The following TNRC6A variants were observed in gnomAD, a reference collection of about 807,000 sequenced individuals.
The protein encoded by TNRC6A is trinucleotide repeat-containing gene 6A protein.
In TNRC6A, 44 loss-of-function variants were observed where a neutral mutation model predicts 221.2. That is an observed-to-expected ratio of 0.20 (90% CI 0.16 to 0.26). The LOEUF (loss-of-function observed/expected upper bound fraction) is 0.26. Ranked by LOEUF, TNRC6A falls within the 10% of genes least tolerant of loss-of-function variation. The pLI is 1.00. For missense variants in TNRC6A, 2,199 were observed against 2,404.4 expected (o/e 0.91, Z 1.79); for synonymous variants, 847 against 838.5 (o/e 1.01, Z -0.18).
intron 2 of TNRC6A, among the ~76,000 whole-genome samples, chr16:24,660,744 T>C (rs1447842948): frequency 2.1e-4 from 28 of 134,248 alleles, no homozygotes; most frequent in African/African-American, 3.7e-4. Context: ...TTTTTCTTTT[T>C]TTTTTTTTTT....
At chr16:24,764,282 G>T (rs1023277914) in intron 4 of TNRC6A, among the ~76,000 whole-genome samples, 1 of 150,738 alleles carries the variant, frequency 6.6e-6, no homozygotes, top group Non-Finnish European at 1.5e-5. Context: ...TTTAAAAGCT[G>T]AATAATATTC....
upstream of TNRC6A, among the ~76,000 whole-genome samples, chr16:24,726,229 G>A (rs169265): frequency 0.19 from 28,972 of 151,992 alleles, 3,312 homozygotes; most frequent in South Asian, 0.29. Context: ...AAATACAAGA[G>A]AATAAATGAG....
chr16:24,772,718 G>A (rs2057638089), intron 4 of TNRC6A, among the ~76,000 whole-genome samples: 1 of 152,186 alleles, frequency 6.6e-6, no homozygotes, highest in Non-Finnish European at 1.5e-5. Context: ...GGGAGGTGGA[G>A]GTTGCAGTAA....
intron 5 of TNRC6A, among the ~76,000 whole-genome samples, chr16:24,778,980 A>C (rs370562352): frequency 2.6e-4 from 40 of 152,348 alleles, no homozygotes; most frequent in African/African-American, 9.6e-4. Context: ...GTGAAGTGGG[A>C]TAGTATATTT....
At chr16:24,654,173 G>A (rs1449732107) in intron 2 of TNRC6A, among the ~76,000 whole-genome samples, 2 of 152,110 alleles carry the variant, frequency 1.3e-5, no homozygotes, top group African/African-American at 4.8e-5. Flanking sequence ...CAATCCTCCT[G>A]CCTTGAACTC....
chr16:24,638,309 T>G (rs1175599914), intron 1 of TNRC6A, among the ~76,000 whole-genome samples: 4 of 151,986 alleles, frequency 2.6e-5, no homozygotes, highest in Non-Finnish European at 5.9e-5. Context: ...TCTCAGCCAC[T>G]CATGAGGCTG....
At chr16:24,714,915 C>T (rs188670332) in intron 2 of TNRC6A, among the ~76,000 whole-genome samples, 1 of 147,938 alleles carries the variant, frequency 6.8e-6, no homozygotes, top group African/African-American at 2.5e-5. Flanking sequence ...CTTGCTCTGT[C>T]ACCCAGGCTG....
chr16:24,687,945 TTTTCTTTTC>T (rs796633646), intron 2 of TNRC6A, among the ~76,000 whole-genome samples: 16,512 of 126,078 alleles, frequency 0.13, 1,535 homozygotes, highest in South Asian at 0.19. Context: ...TTTTCTTTTC[TTTTCTTTTC>T]TTTTTTTTTT....
intron 2 of TNRC6A, among the ~76,000 whole-genome samples, chr16:24,658,829 G>C (rs1424176198): frequency 7.0e-6 from 1 of 142,202 alleles, no homozygotes; most frequent in Non-Finnish European, 1.5e-5. Context: ...TTTTTGTTTT[G>C]AGTCAGGGTC....
intron 1 of TNRC6A, among the ~76,000 whole-genome samples, chr16:24,626,462 G>A (rs945833846): frequency 4.6e-5 from 7 of 151,904 alleles, no homozygotes; most frequent in Non-Finnish European, 7.4e-5. Flanking sequence ...TGAGAATCTA[G>A]ACTTATTCTG....
intron 1 of TNRC6A, among the ~76,000 whole-genome samples, chr16:24,637,445 G>A (rs1901693665): frequency 6.6e-6 from 1 of 152,156 alleles, no homozygotes; most frequent in Non-Finnish European, 1.5e-5. Flanking sequence ...AAGAGTACGA[G>A]CATTGATCTG....
At chr16:24,645,834 C>CA (rs36106864) in intron 2 of TNRC6A, among the ~76,000 whole-genome samples, 1,160 of 26,594 alleles carry the variant, frequency 0.044, 189 homozygotes, top group Middle Eastern at 0.062. Flanking sequence ...CCTGTATCTA[C>CA]AAAAAAAAAA....
chr16:24,679,906 GCC>G (rs1490029345), intron 2 of TNRC6A, among the ~76,000 whole-genome samples: 4 of 152,104 alleles, frequency 2.6e-5, no homozygotes, highest in Non-Finnish European at 5.9e-5. Flanking sequence ...ACTGTACCTG[GCC>G]CACTGGATCT....
In TNRC6A at chr16:24,823,756, T is replaced by C. The variant is rs371185856; in HGVS notation, c.5838T>C (p.Ile1946=). ...GAGGAATTAGCAGCCCATCTCCCAT[T>C]AACGCTTTTCTTTCTGTTGACCACC... ...DPRGISSPSP[I]NAFLSVDHLG... Residue 1946 remains isoleucine (I), a synonymous_variant, in exon 25 of 25, where the codon ATT becomes ATC. Coordinates refer to ENST00000395799, the MANE Select transcript of TNRC6A (RefSeq NM_014494.4). This position sits in a 1 kb window ranked among gnomAD's most constrained non-coding sequence, Gnocchi z 4.3. 7 of 1,496,348 alleles carry C rather than the reference T, an allele frequency of 4.7e-6. No individual in the cohort carries two copies. Among genetic ancestry groups the C allele is most frequent in the Admixed American group, 2.4e-5 (1 of 42,026 alleles). 92.7% of individuals were successfully genotyped at this position (1,496,348 alleles called of 1,614,324 possible). A position where few individuals can be genotyped will look rare whatever the true frequency, so the allele number is the denominator to read the frequency against.
Position 24,789,569 on chromosome 16 carries a change from T to C in TNRC6A, c.927T>C (p.Ser309=). 6.2e-7 allele frequency: 1 copy of C among 1,614,134 alleles called. No homozygotes were observed. Among genetic ancestry groups the C allele is most frequent in the Non-Finnish European group, 8.5e-7 (1 of 1,180,044 alleles). The change falls in exon 6 of 25, where the codon AGT becomes AGC. Residue 309 remains serine, a synonymous_variant. Coordinates refer to ENST00000395799, the MANE Select transcript of TNRC6A (RefSeq NM_014494.4). ...GCAATAATGTGGGCCATGGAAGTAG[T>C]ACTGGGCCATGGGGTTTTTCCCATG... ...SSSNNVGHGS[S]TGPWGFSHGA...
At chr16:24,670,013 G>GA (rs1030037267) in intron 2 of TNRC6A, among the ~76,000 whole-genome samples, 2 of 131,608 alleles carry the variant, frequency 1.5e-5, no homozygotes, top group Admixed American at 1.8e-4. Context: ...GCAATGGCGT[G>GA]ATCTTGGCTC....
At chr16:24,654,829 T>C (rs1902875323) in intron 2 of TNRC6A, among the ~76,000 whole-genome samples, 2 of 152,186 alleles carry the variant, frequency 1.3e-5, no homozygotes, top group African/African-American at 4.8e-5. Flanking sequence ...AATTTTAACC[T>C]AAAACTCACC....
intron 2 of TNRC6A, among the ~76,000 whole-genome samples, chr16:24,737,690 C>T (rs1200156353): frequency 6.6e-6 from 1 of 152,200 alleles, no homozygotes; most frequent in Non-Finnish European, 1.5e-5. Context: ...ATTAAGCCAA[C>T]TCAGTTGTTT....
At chr16:24,687,849 A>AGAAGAAGAAGAAGAAGAAGAAGAG (rs1567356982) in intron 2 of TNRC6A, among the ~76,000 whole-genome samples, 4 of 130,046 alleles carry the variant, frequency 3.1e-5, no homozygotes, top group African/African-American at 1.2e-4. Context: ...AAGAGGAAGA[A>AGAAGAAGAAGAAGAAGAAGAAGAG]GAAGAAGAAG....
Sources: allele counts gnomAD v4.1 joint callset (sites outside exome capture counted in the v4.1 genomes callset), GRCh38; gene constraint gnomAD v4.1.1; non-coding constraint Gnocchi (gnomAD v3.1); transcripts MANE v1.5; gene names NCBI Gene and HGNC (gene_info 2026-07-23, HGNC 2026-07-21).